The following SLC5A11 variants were observed in gnomAD, a reference collection of about 807,000 sequenced individuals.
The protein encoded by SLC5A11 is solute carrier family 5 member 11.
SLC5A11 carries 48 observed loss-of-function variants against 69.8 expected under a neutral mutation model. The ratio of observed to expected loss-of-function variants is 0.69; its 90% CI spans 0.55 to 0.87. SLC5A11 has a LOEUF of 0.87. Among genes scored for constraint, SLC5A11 ranks in the 40% least tolerant of loss-of-function variants. The pLI is 0.00. For synonymous variants in SLC5A11, 319 were observed against 342.4 expected (o/e 0.93, Z 0.75); for missense variants, 784 against 866.1 (o/e 0.91, Z 1.19).
At chr16:24,884,510 TTTG>T (rs1281843324) in intron 8 of SLC5A11, among the ~76,000 whole-genome samples, 27 of 83,106 alleles carry the variant, frequency 3.2e-4, no homozygotes, top group South Asian at 2.2e-3. Context: ...GCTTTTTTAT[TTTG>T]TTTTTTTTTT....
rs753734919 is a variant in SLC5A11 at position 24,906,781 on chromosome 16, C to A, written c.1114+17C>A. On this transcript the variant is annotated intron_variant, in intron 11 of 15. Coordinates refer to ENST00000347898, the Ensembl canonical transcript of SLC5A11. Reference sequence around the variant, plus strand: ...TGCCCACAGGTAATGTCCCTTCACTCCTGAATCAAGTCCCCTGGAGCACCC... The same window carrying A: ...TGCCCACAGGTAATGTCCCTTCACTACTGAATCAAGTCCCCTGGAGCACCC... 3 of 1,598,080 alleles carry A rather than the reference C, an allele frequency of 1.9e-6. No individual in the cohort carries two copies. The Admixed American group carries it at 5.1e-5, about 27-fold the overall frequency.
At chr16:24,904,001 G>A (rs371685909) in intron 10 of SLC5A11, among the ~76,000 whole-genome samples, 13 of 152,240 alleles carry the variant, frequency 8.5e-5, no homozygotes, top group African/African-American at 2.9e-4. Flanking sequence ...CATGGTGGAA[G>A]GCGAAGGGGA....
In SLC5A11 at chr16:24,877,288, C is replaced by T. The variant is rs751044981; in HGVS notation, c.508C>T (p.Gln170Ter). The change falls in exon 7 of 16, where the codon CAG (glutamine) becomes TAG (stop). Residue 170 changes from glutamine to a stop codon, truncating the protein, a stop_gained. Coordinates refer to ENST00000347898, the Ensembl canonical transcript of SLC5A11. LOFTEE classifies it high-confidence loss of function. Reference sequence around the variant, plus strand: ...CATGTATGCAGGTGCCATCTTCATCCAGCAGTCTTTGCACCTGGATCTGTA... The same window carrying T: ...CATGTATGCAGGTGCCATCTTCATCTAGCAGTCTTTGCACCTGGATCTGTA... The T allele has an allele frequency of 1.9e-6, 3 of 1,614,064 alleles. No individual in the cohort carries two copies. Among genetic ancestry groups the T allele is most frequent in the Non-Finnish European group, 2.5e-6 (3 of 1,179,948 alleles).
At chr16:24,883,084 G>C (rs565729288) in intron 7 of SLC5A11, among the ~76,000 whole-genome samples, 1 of 152,168 alleles carries the variant, frequency 6.6e-6, no homozygotes, top group Non-Finnish European at 1.5e-5. Context: ...AAAGGTGTTG[G>C]CTGGGTGTAG....
At chr16:24,908,491 C>A (rs183547906) in intron 13 of SLC5A11, among the ~76,000 whole-genome samples, 2 of 148,668 alleles carry the variant, frequency 1.3e-5, no homozygotes, top group African/African-American at 5.0e-5. Context: ...CCCAGCTACT[C>A]AGATGCTGAG....
chr16:24,854,268 C>T (rs1244030217), intron 1 of SLC5A11, among the ~76,000 whole-genome samples: 1 of 152,166 alleles, frequency 6.6e-6, no homozygotes, highest in African/African-American at 2.4e-5. Context: ...TTCTACTCCT[C>T]ATCTTTCCCC....
At chr16:24,891,948 TG>T (rs890273335) in intron 9 of SLC5A11, among the ~76,000 whole-genome samples, 6 of 147,266 alleles carry the variant, frequency 4.1e-5, no homozygotes, top group African/African-American at 1.5e-4. Context: ...CAATTTAAAA[TG>T]GGGTGACAGG....
intron 10 of SLC5A11, among the ~76,000 whole-genome samples, chr16:24,902,082 A>G (rs1451039552): frequency 6.6e-6 from 1 of 152,184 alleles, no homozygotes; most frequent in Non-Finnish European, 1.5e-5. Flanking sequence ...ACTGCATTCC[A>G]GACTGGGTGA....
intron 12 of SLC5A11, among the ~76,000 whole-genome samples, chr16:24,907,689 A>T (rs1460475912): frequency 6.7e-6 from 1 of 150,214 alleles, no homozygotes; most frequent in Non-Finnish European, 1.5e-5. Context: ...CCTGGGTGAC[A>T]GAGTGAGACT....
At chr16:24,883,133 G>A (rs2048155825) in intron 7 of SLC5A11, among the ~76,000 whole-genome samples, 1 of 152,228 alleles carries the variant, frequency 6.6e-6, no homozygotes, top group African/African-American at 2.4e-5. Flanking sequence ...GGGAGGCCGA[G>A]GCAGGAGGAC....
At chr16:24,871,513 T>C (rs2047298299) in intron 4 of SLC5A11, among the ~76,000 whole-genome samples, 1 of 152,118 alleles carries the variant, frequency 6.6e-6, no homozygotes, top group South Asian at 2.1e-4. Context: ...GTGCAAGCGA[T>C]CCACTGGCTT....
rs111943738 is a variant in SLC5A11, at chr16:24,905,618, T to A, written c.1007-1039T>A. On this transcript the variant is annotated intron_variant, in intron 10 of 15. Transcript: ENST00000347898. Reference sequence around the variant, plus strand: ...GCCTGGGCGACAGAGCAAGACCCCATCTCAAAAACACGCGCGCGCGCGCAC... The same window carrying A: ...GCCTGGGCGACAGAGCAAGACCCCAACTCAAAAACACGCGCGCGCGCGCAC... Among the ~76,000 whole-genome samples the A allele has an allele frequency of 1.4e-3, 204 of 144,446 alleles. No homozygotes were observed. In the South Asian group the frequency reaches 0.028, roughly 20 times the overall value. The allele number at this position is 144,446 out of a possible 152,430, so 94.8% of individuals were successfully genotyped here. A position where few individuals can be genotyped will look rare whatever the true frequency, so the allele number is the denominator to read the frequency against.
chr16:24,875,715 T>C, exon 6 of SLC5A11: 1 of 1,613,678 alleles, frequency 6.2e-7, no homozygotes, highest in Non-Finnish European at 8.5e-7. Context: ...TTTATCTACA[T>C]CTTCACCAAG....
intron 8 of SLC5A11, among the ~76,000 whole-genome samples, chr16:24,886,298 G>A (rs2048393512): frequency 6.6e-6 from 1 of 152,096 alleles, no homozygotes; most frequent in Non-Finnish European, 1.5e-5. Flanking sequence ...CTCCCAAAGT[G>A]CTGGGATTAT....
In SLC5A11 at chr16:24,892,637, A is replaced by C. The variant is rs143131365; in HGVS notation, c.870+1563A>C. 3.0e-3 allele frequency among the ~76,000 whole-genome samples: 455 copies of C among 152,258 alleles called. 4 individuals carry two copies. Among genetic ancestry groups the C allele is most frequent in the African/African-American group, 0.01 (433 of 41,552 alleles). On this transcript the variant is annotated intron_variant, in intron 9 of 15. Coordinates refer to ENST00000347898, the Ensembl canonical transcript of SLC5A11. ...GGGTTTTAAACTGAGTGAATATATC[A>C]CGTGTTCAAATATTATTTTTCTGGT...
intron 3 of SLC5A11, among the ~76,000 whole-genome samples, chr16:24,865,138 C>G (rs1424078025): frequency 1.3e-5 from 2 of 152,114 alleles, no homozygotes; most frequent in Non-Finnish European, 2.9e-5. Flanking sequence ...TATTAATCTA[C>G]ACATCCAAGA....
intron 7 of SLC5A11, among the ~76,000 whole-genome samples, chr16:24,879,217 C>T (rs1197890324): frequency 1.3e-5 from 2 of 150,506 alleles, no homozygotes; most frequent in African/African-American, 2.4e-5. Context: ...TTTTCACCTT[C>T]GACTTTGATT....
chr16:24,849,572 C>CAAAAAAAA (rs1182615959), intron 1 of SLC5A11, among the ~76,000 whole-genome samples: 145 of 38,462 alleles, frequency 3.8e-3, no homozygotes, highest in Middle Eastern at 0.02. Flanking sequence ...GCCTTGGGGG[C>CAAAAAAAA]AAAAAAAAAA....
At chr16:24,892,088 A>T (rs1597215199) in intron 9 of SLC5A11, among the ~76,000 whole-genome samples, 1 of 149,100 alleles carries the variant, frequency 6.7e-6, no homozygotes, top group South Asian at 2.1e-4. Flanking sequence ...TTAGCCAGGC[A>T]CGGTGGTGTG....
Sources: allele counts gnomAD v4.1 joint callset (sites outside exome capture counted in the v4.1 genomes callset), GRCh38; gene constraint gnomAD v4.1.1; transcripts MANE v1.5; gene names NCBI Gene and HGNC (gene_info 2026-07-23, HGNC 2026-07-21).